Variants in NHSL2 observed in about 807,000 individuals in gnomAD.
The protein encoded by NHSL2 is NHS-like protein 2.
In NHSL2, 27 loss-of-function variants were observed where a neutral mutation model predicts 53.4. The observed-to-expected ratio is 0.51, with a 90% CI of 0.37 to 0.70. NHSL2 has a LOEUF of 0.70. Ranked by LOEUF, NHSL2 falls within the 30% of genes least tolerant of loss-of-function variation. NHSL2 has a pLI of 0.00. For synonymous variants in NHSL2, 408 were observed against 404.1 expected, an observed-to-expected ratio of 1.01 and a Z score of -0.12; for missense variants, 892 against 980.1, an observed-to-expected ratio of 0.91 and a Z score of 1.20.
At chrX:71,941,992 C>T (rs755091271) in intron 1 of NHSL2, among the ~76,000 whole-genome samples, 1 of 109,632 alleles carries the variant, frequency 9.1e-6, no homozygotes, top group African/African-American at 3.3e-5. Context: ...GCTCAGTCCT[C>T]GGTTTCTATG....
chrX:72,117,791 T>A (rs2042151085), intron 1 of NHSL2, among the ~76,000 whole-genome samples: 1 of 110,445 alleles, frequency 9.1e-6, no homozygotes. Context: ...TGTGACTGGA[T>A]AATTCCATTG....
intron 1 of NHSL2, among the ~76,000 whole-genome samples, chrX:71,968,560 C>CT (rs946063626): frequency 1.4e-4 from 16 of 110,353 alleles, no homozygotes; most frequent in African/African-American, 3.9e-4. Context: ...ACTTGTCAAT[C>CT]TTTTTTTTTG....
chrX:72,100,698 A>G (rs1344435591), intron 1 of NHSL2, among the ~76,000 whole-genome samples: 1 of 112,240 alleles, frequency 8.9e-6, no homozygotes, highest in East Asian at 2.8e-4. Flanking sequence ...CTTGCTCCTT[A>G]TAAGAATCTA....
intron 1 of NHSL2, among the ~76,000 whole-genome samples, chrX:72,041,450 C>T (rs2042273766): frequency 8.9e-6 from 1 of 112,438 alleles, no homozygotes; most frequent in Admixed American, 9.4e-5. Flanking sequence ...TCCAGTTTTA[C>T]AAGAGATGCC....
chrX:72,019,795 G>C (rs1289912375), intron 1 of NHSL2, among the ~76,000 whole-genome samples: 3 of 111,975 alleles, frequency 2.7e-5, no homozygotes, highest in Non-Finnish European at 5.6e-5. Context: ...GGATAGGGCT[G>C]GCTCTGTAAT....
rs915012936 is a variant in NHSL2 at position 72,000,194 on chromosome X, G to A, written c.280+88827G>A. ...GAATTATGATCTCATCAAACACATT[G>A]AAGGAAAGAAAAGAACATTGCCCAG... On this transcript the variant is annotated intron_variant, in intron 1 of 7. Transcript: ENST00000633930. 4.5e-5 allele frequency among the ~76,000 whole-genome samples: 5 copies of A among 111,693 alleles called. No homozygotes were observed. The Admixed American group carries it at 4.8e-4, about 11-fold the overall frequency.
Position 72,139,735 on chromosome X carries a change from C to T in NHSL2, c.2187C>T (p.Ser729=), listed in dbSNP as rs201980371. 2.6e-5 allele frequency: 31 copies of T among 1,208,488 alleles called. No homozygotes were observed. The highest frequency in any genetic ancestry group is 3.2e-5 in the Non-Finnish European group (29 of 894,457). ...CACCAACACCCACTGTTTCCATGTC[C>T]CTGACCCTGGGCCACTTACCCCCTC... ...SETPTPTVSM[S]LTLGHLPPPS... Residue 729 remains serine (S), a synonymous_variant, in exon 6 of 8, where the codon TCC becomes TCT. Transcript: ENST00000633930.
intron 1 of NHSL2, among the ~76,000 whole-genome samples, chrX:72,098,860 A>G (rs2041966979): frequency 1.8e-5 from 2 of 111,994 alleles, no homozygotes; most frequent in Admixed American, 9.5e-5. Context: ...ACATGTCAAA[A>G]TCATCTAGAA....
chrX:72,058,969 A>G (rs1157617535), intron 1 of NHSL2, among the ~76,000 whole-genome samples: 1 of 111,734 alleles, frequency 8.9e-6, no homozygotes, highest in African/African-American at 3.3e-5. Context: ...CTCCCCACTC[A>G]GACTGGACCA....
chrX:72,058,840 T>G lies in NHSL2; in HGVS notation c.281-73239T>G, dbSNP rs191653655. 1.2e-3 allele frequency among the ~76,000 whole-genome samples: 135 copies of G among 112,157 alleles called. 1 individual carries two copies. Among genetic ancestry groups the G allele is most frequent in the African/African-American group, 4.2e-3 (129 of 30,842 alleles). ...CATTGCAGGAGTGATTTGGTCTGCATGTCAGGGAGCTGCACAAATGTTGGA... is the reference window on the plus strand; with the variant it reads ...CATTGCAGGAGTGATTTGGTCTGCAGGTCAGGGAGCTGCACAAATGTTGGA... On this transcript the variant is annotated intron_variant, in intron 1 of 7. Transcript: ENST00000633930.
chrX:71,945,192 A>G (rs1385003219), intron 1 of NHSL2, among the ~76,000 whole-genome samples: 1 of 112,038 alleles, frequency 8.9e-6, no homozygotes, highest in Non-Finnish European at 1.9e-5. Flanking sequence ...GGCATCCAAT[A>G]CTATTCCTTC....
chrX:71,971,432 C>T (rs1318215712), intron 1 of NHSL2, among the ~76,000 whole-genome samples: 3 of 111,667 alleles, frequency 2.7e-5, no homozygotes, highest in East Asian at 2.8e-4. Context: ...GAAAAGAGAG[C>T]ATGGATATAT....
In NHSL2 at chrX:72,144,435, C is replaced by T. The variant is rs758156426; in HGVS notation, c.*861C>T. The T allele has an allele frequency of 1.3e-5, 10 of 783,103 alleles. No homozygotes were observed. The Admixed American group carries it at 1.5e-4, about 12-fold the overall frequency. The allele number at this position is 783,103 out of a possible 1,213,427, so 64.5% of individuals were successfully genotyped here. On this transcript the variant is annotated 3_prime_UTR_variant, in exon 8 of 8. Coordinates refer to ENST00000633930, the MANE Select transcript of NHSL2 (RefSeq NM_001013627.3). ...CGATAGGCAGGATCTGCGCCCAGCTCATGCTGCATTCTAAGAACTCTCATT... is the reference window on the plus strand; with the variant it reads ...CGATAGGCAGGATCTGCGCCCAGCTTATGCTGCATTCTAAGAACTCTCATT...
chrX:72,130,075 T>C, intron 1 of NHSL2: 2 of 1,211,230 alleles, frequency 1.7e-6, no homozygotes, highest in Non-Finnish European at 2.2e-6. Flanking sequence ...GTTTTCGGCG[T>C]GGTAACCACT....
At chrX:72,087,022 G>T (rs2041853991) in intron 1 of NHSL2, among the ~76,000 whole-genome samples, 1 of 111,953 alleles carries the variant, frequency 8.9e-6, no homozygotes, top group African/African-American at 3.3e-5. Flanking sequence ...TATGAAGGAA[G>T]GCTGGGCTGG....
At chrX:71,971,180 T>C (rs1240534051) in intron 1 of NHSL2, among the ~76,000 whole-genome samples, 1 of 112,192 alleles carries the variant, frequency 8.9e-6, no homozygotes, top group African/African-American at 3.2e-5. Flanking sequence ...TTTAAAAAAG[T>C]TTTTTTCTTA....
At position 72,147,044 on chromosome X, in the gene NHSL2, T is replaced by G. The variant is rs2042469602; in HGVS notation, c.*3470T>G. On this transcript the variant is annotated 3_prime_UTR_variant, in exon 8 of 8. Coordinates refer to ENST00000633930, the MANE Select transcript of NHSL2 (RefSeq NM_001013627.3). ...CCTACCAGGCTCTCCTAACAAGCAC[T>G]GCACCTGACATCCAGTGTAACTATC... 1 of 112,380 alleles carries G rather than the reference T, an allele frequency of 8.9e-6. No individual in the cohort carries two copies. Among genetic ancestry groups the G allele is most frequent in the Non-Finnish European group, 1.9e-5 (1 of 53,285 alleles). 9.3% of individuals were successfully genotyped at this position (112,380 alleles called of 1,213,427 possible).
intron 1 of NHSL2, among the ~76,000 whole-genome samples, chrX:72,065,897 G>C (rs2042426399): frequency 8.9e-6 from 1 of 111,917 alleles, no homozygotes; most frequent in Non-Finnish European, 1.9e-5. Context: ...TGGGCAGAGG[G>C]GTCTGTTTCA....
chrX:72,072,551 A>G (rs938542927), intron 1 of NHSL2, among the ~76,000 whole-genome samples: 2 of 111,652 alleles, frequency 1.8e-5, no homozygotes, highest in Non-Finnish European at 3.8e-5. Flanking sequence ...CCCATTCAGC[A>G]TTACCATGCT....
Sources: gnomAD v4.1 joint callset for allele counts (sites outside exome capture counted in the v4.1 genomes callset) on GRCh38, gnomAD v4.1.1 for gene constraint, MANE v1.5 for transcripts, NCBI Gene and HGNC (gene_info 2026-07-23, HGNC 2026-07-21) for gene names.